CDR2: variants seen among roughly 807,000 people sequenced by gnomAD.
CDR2 encodes cerebellar degeneration related protein 2.
A neutral mutation model predicts 48.4 loss-of-function variants in CDR2; 34 were observed. The ratio of observed to expected loss-of-function variants is 0.70; its 90% CI spans 0.53 to 0.94. CDR2 has a LOEUF of 0.94. Ranked by LOEUF, CDR2 falls within the 40% of genes least tolerant of loss-of-function variation. The pLI, the probability that CDR2 is intolerant of heterozygous loss-of-function variation, is 0.00. For synonymous variants in CDR2, 240 were observed against 219.7 expected (o/e 1.09, Z -0.82); for missense variants, 498 against 549.5 (o/e 0.91, Z 0.94).
At position 22,347,507 on chromosome 16, in the gene CDR2, C is replaced by T. The variant is rs533235756; in HGVS notation, c.823G>A (p.Val275Met). Residue 275 changes from valine to methionine, a missense_variant, in exon 5 of 5, where the codon GTG (valine) becomes ATG (methionine). Transcript: ENST00000268383. ...HPFVNGVEKLVPDSLYVPFKE... is the reference protein window; with the variant it reads ...HPFVNGVEKLMPDSLYVPFKE... ...AAAGGAACATACAGAGAGTCTGGCACCAGCTTCTCAACTCCATTCACAAAT... is the reference window on the plus strand; with the variant it reads ...AAAGGAACATACAGAGAGTCTGGCATCAGCTTCTCAACTCCATTCACAAAT... The T allele has an allele frequency of 6.3e-5, 102 of 1,614,058 alleles. 1 individual carries two copies. In the South Asian group the frequency reaches 1.0e-3, roughly 16 times the overall value.
rs936623049 is a variant in CDR2, at chr16:22,346,972, T to TGAG, written c.1355_1357dup (p.Ser452_His453insPro). On this transcript the variant is annotated inframe_insertion, in exon 5 of 5. Coordinates refer to ENST00000268383, the MANE Select transcript of CDR2 (RefSeq NM_001802.2). ...GTAGAGCTAGAGGTTCAATTAAGAA[T>TGAG]GAGAGGAGAGTGATCGGTATTTTGT... is the stretch of plus-strand genomic sequence containing the variant. 2 of 1,607,364 alleles carry TGAG rather than the reference T, an allele frequency of 1.2e-6. No individual in the cohort carries two copies. Among genetic ancestry groups the TGAG allele is most frequent in the East Asian group, 4.5e-5 (2 of 44,674 alleles).
chr16:22,370,131 C>CA (rs2049066552), intron 1 of CDR2, among the ~76,000 whole-genome samples: 1 of 152,094 alleles, frequency 6.6e-6, no homozygotes, highest in Non-Finnish European at 1.5e-5. Flanking sequence ...ATGCTTTAGG[C>CA]AAAAAATTAG....
intron 1 of CDR2, among the ~76,000 whole-genome samples, chr16:22,369,576 T>C (rs1039921216): frequency 6.6e-6 from 1 of 152,212 alleles, no homozygotes; most frequent in Non-Finnish European, 1.5e-5. Context: ...ATCTCCTAAA[T>C]ATTTATAGGC....
At chr16:22,364,510 G>A (rs2049032291) in intron 2 of CDR2, among the ~76,000 whole-genome samples, 1 of 152,074 alleles carries the variant, frequency 6.6e-6, no homozygotes, top group Non-Finnish European at 1.5e-5. Flanking sequence ...TAAGCTAGGT[G>A]GTGGATATAT....
chr16:22,358,872 G>T (rs1023034033), intron 2 of CDR2, among the ~76,000 whole-genome samples: 3 of 152,000 alleles, frequency 2.0e-5, no homozygotes, highest in Non-Finnish European at 1.5e-5. Flanking sequence ...CAGTAATTCT[G>T]GAAGATTTAT....
intron 1 of CDR2, among the ~76,000 whole-genome samples, chr16:22,372,590 C>A (rs748693369): frequency 6.6e-6 from 1 of 152,150 alleles, no homozygotes; most frequent in Non-Finnish European, 1.5e-5. Flanking sequence ...ACAGTGGTTG[C>A]CTCACAAATC....
chr16:22,355,923 T>A (rs987282454), intron 2 of CDR2, among the ~76,000 whole-genome samples: 3 of 152,296 alleles, frequency 2.0e-5, no homozygotes, highest in Non-Finnish European at 2.9e-5. Context: ...TATACTATGT[T>A]TGTCGTAATT....
intron 2 of CDR2, among the ~76,000 whole-genome samples, chr16:22,351,892 G>C (rs2048944525): frequency 6.6e-6 from 1 of 152,144 alleles, no homozygotes; most frequent in Admixed American, 6.5e-5. Context: ...CAGAAAGAGG[G>C]GAGAAATGGT....
chr16:22,359,119 T>C (rs2048995131), intron 2 of CDR2, among the ~76,000 whole-genome samples: 1 of 152,150 alleles, frequency 6.6e-6, no homozygotes, highest in Non-Finnish European at 1.5e-5. Flanking sequence ...AAAGACTTTT[T>C]TCACTACTAA....
intron 2 of CDR2, among the ~76,000 whole-genome samples, chr16:22,350,239 C>T (rs1283490709): frequency 1.3e-5 from 2 of 152,228 alleles, no homozygotes; most frequent in South Asian, 2.1e-4. Flanking sequence ...CACCAATTCT[C>T]CGATTGTCAG....
chr16:22,349,673 C>CT (rs1435108728), intron 3 of CDR2, 28 bp downstream of exon 3: 3 of 1,611,446 alleles, frequency 1.9e-6, no homozygotes, highest in Middle Eastern at 1.6e-4. Context: ...CCCCCTAGTC[C>CT]TTCCTTGTCA....
chr16:22,371,410 T>C (rs1286523391), intron 1 of CDR2, among the ~76,000 whole-genome samples: 1 of 152,168 alleles, frequency 6.6e-6, no homozygotes, highest in African/African-American at 2.4e-5. Flanking sequence ...TACGAGGCGC[T>C]GTAGTGGGCA....
chr16:22,364,486 G>A (rs1686850752), intron 2 of CDR2, among the ~76,000 whole-genome samples: 1 of 152,046 alleles, frequency 6.6e-6, no homozygotes, highest in African/African-American at 2.4e-5. Context: ...AAGAGTGTGG[G>A]CAGTCTTCTT....
intron 1 of CDR2, among the ~76,000 whole-genome samples, chr16:22,372,636 C>T (rs1450844681): frequency 3.3e-5 from 5 of 152,146 alleles, no homozygotes; most frequent in Non-Finnish European, 5.9e-5. Flanking sequence ...TCAATCCTTA[C>T]GGGGAAATCT....
chr16:22,364,860 A>G lies in CDR2; in HGVS notation c.192+42T>C, dbSNP rs765929239. 5.3e-6 allele frequency: 6 copies of G among 1,132,022 alleles called. No homozygotes were observed. The Admixed American group carries it at 1.0e-4, about 20-fold the overall frequency. The allele number at this position is 1,132,022 out of a possible 1,614,324, so 70.1% of individuals were successfully genotyped here. On this transcript the variant is annotated intron_variant, in intron 2 of 4. Transcript: ENST00000268383. The stretch of plus-strand genomic sequence containing the variant: ...TATGTGATTGGCATAACAGCAACAC[A>G]TCGAAGTGTCAAAAGTGTAACTCTC...
At chr16:22,365,771 T>G (rs1477702005) in intron 1 of CDR2, among the ~76,000 whole-genome samples, 2 of 152,222 alleles carry the variant, frequency 1.3e-5, no homozygotes, top group Non-Finnish European at 2.9e-5. Context: ...GTTAACAATA[T>G]AAGAAAGGAC....
At chr16:22,368,737 T>G (rs1394211228) in intron 1 of CDR2, 1 of 152,168 alleles carries the variant, frequency 6.6e-6, no homozygotes, top group African/African-American at 2.4e-5. Context: ...GAAAGAGAGG[T>G]CCGCAGGCTT....
At position 22,349,162 on chromosome 16, in the gene CDR2, T is replaced by C; in HGVS notation, c.506+117A>G. ...TAAGTGATTTTGTTCAAACCAATGG[T>C]AGCTTAATAGCTAAGTGACTTTTCT... On this transcript the variant is annotated intron_variant, in intron 4 of 4. Coordinates refer to ENST00000268383, the MANE Select transcript of CDR2 (RefSeq NM_001802.2). 4.8e-6 allele frequency: 5 copies of C among 1,040,642 alleles called. No homozygotes were observed. The South Asian group carries it at 6.0e-5, about 13-fold the overall frequency. The allele number at this position is 1,040,642 out of a possible 1,614,324, so 64.5% of individuals were successfully genotyped here.
At chr16:22,351,508 G>A in intron 2 of CDR2, among the ~76,000 whole-genome samples, 1 of 151,996 alleles carries the variant, frequency 6.6e-6, no homozygotes. Flanking sequence ...ATTTCTATGT[G>A]GAGGATCTTA....
Sources: gnomAD v4.1 joint callset for allele counts (sites outside exome capture counted in the v4.1 genomes callset) on GRCh38, gnomAD v4.1.1 for gene constraint, MANE v1.5 for transcripts, NCBI Gene and HGNC (gene_info 2026-07-23, HGNC 2026-07-21) for gene names.